Variants in LINGO2 observed in about 807,000 individuals in gnomAD.
LINGO2 encodes leucine-rich repeat and immunoglobulin-like domain-containing nogo receptor-interacting protein 2.
A neutral mutation model predicts 30.6 loss-of-function variants in LINGO2; 14 were observed. The ratio of observed to expected loss-of-function variants is 0.46; its 90% CI spans 0.30 to 0.72. The LOEUF is 0.72. Ranked by LOEUF, LINGO2 falls within the 30% of genes least tolerant of loss-of-function variation. LINGO2 has a pLI of 0.07. For missense variants in LINGO2, 729 were observed against 751.7 expected (o/e 0.97, Z 0.35); for synonymous variants, 317 against 288.5 (o/e 1.10, Z -1.00).
At position 28,233,030 on chromosome 9, in the gene LINGO2, TTATATATATA is replaced by T. The variant is rs1554690875; in HGVS notation, c.-87+62168_-87+62177del. On this transcript the variant is annotated intron_variant, in intron 4 of 5. Coordinates refer to ENST00000379992, the Ensembl canonical transcript of LINGO2. Reference sequence around the variant, plus strand: ...CTTCTCATGAGAGAGACAGTAAACATTATATATATATATATATATATATATATATATTAGA... The same window carrying T: ...CTTCTCATGAGAGAGACAGTAAACATTATATATATATATATATATATTAGA... 1.0e-3 allele frequency among the ~76,000 whole-genome samples: 79 copies of T among 77,680 alleles called. 2 individuals carry two copies. The highest frequency in any genetic ancestry group is 0.011 in the Middle Eastern group (2 of 174). The allele number at this position is 77,680 out of a possible 152,430, so 51.0% of individuals were successfully genotyped here.
At chr9:29,052,869 T>A in the LINGO2 span, among the ~76,000 whole-genome samples, 1 of 152,148 alleles carries the variant, frequency 6.6e-6, no homozygotes, top group Non-Finnish European at 1.5e-5. Context: ...TCATTAGTAA[T>A]TAGATGACAC....
At chr9:28,464,726 G>A (rs1043185444) in intron 2 of LINGO2, among the ~76,000 whole-genome samples, 1 of 152,144 alleles carries the variant, frequency 6.6e-6, no homozygotes, top group African/African-American at 2.4e-5. Context: ...TTAGAGTGGG[G>A]AACTTGGCTA....
chr9:28,979,035 G>C, the LINGO2 span, among the ~76,000 whole-genome samples: 1 of 151,950 alleles, frequency 6.6e-6, no homozygotes, highest in African/African-American at 2.4e-5. Context: ...AATACTATCA[G>C]AACTGTCCAA....
intron 4 of LINGO2, among the ~76,000 whole-genome samples, chr9:28,227,903 C>G (rs1418840358): frequency 6.6e-6 from 1 of 151,904 alleles, no homozygotes; most frequent in Non-Finnish European, 1.5e-5. Context: ...CACAATTTAG[C>G]AAAAAGCCAC....
the LINGO2 span, among the ~76,000 whole-genome samples, chr9:28,820,433 G>A: frequency 1.3e-5 from 2 of 152,084 alleles, no homozygotes; most frequent in Admixed American, 1.3e-4. Context: ...AAAGATGCAA[G>A]CAGTATAACA....
At chr9:28,671,873 C>T (rs1442166983), upstream of LINGO2, among the ~76,000 whole-genome samples, 3 of 151,986 alleles carry the variant, frequency 2.0e-5, no homozygotes, top group Admixed American at 6.6e-5. Flanking sequence ...TGAGCATTTC[C>T]TTATCACAGG....
the LINGO2 span, among the ~76,000 whole-genome samples, chr9:28,922,726 T>TA: frequency 6.6e-6 from 1 of 152,238 alleles, no homozygotes; most frequent in Non-Finnish European, 1.5e-5. Context: ...TAAGTGTCAC[T>TA]ACTTTGCGAC....
the LINGO2 span, among the ~76,000 whole-genome samples, chr9:29,208,411 C>T: frequency 6.6e-6 from 1 of 152,096 alleles, no homozygotes; most frequent in Admixed American, 6.5e-5. Context: ...TACAAGATTT[C>T]CATACATCAC....
the LINGO2 span, among the ~76,000 whole-genome samples, chr9:29,122,968 C>T: frequency 6.6e-6 from 1 of 152,112 alleles, no homozygotes; most frequent in South Asian, 2.1e-4. Flanking sequence ...TTAAAATGTA[C>T]ATTTGCATTC....
rs181016140 is a variant in LINGO2 at position 28,632,307 on chromosome 9, C to A, written c.-365+37893G>T. ...AGGAAAAGCCTTGACTTTATGACCACACACAAACACACATATCCTGTGGGC... is the reference window on the plus strand; with the variant it reads ...AGGAAAAGCCTTGACTTTATGACCAAACACAAACACACATATCCTGTGGGC... On this transcript the variant is annotated intron_variant, in intron 1 of 5. Transcript: ENST00000379992. 2.1e-4 allele frequency among the ~76,000 whole-genome samples: 32 copies of A among 152,124 alleles called. 2 individuals are homozygous for A. Among genetic ancestry groups the A allele is most frequent in the African/African-American group, 7.7e-4 (32 of 41,498 alleles).
chr9:29,202,068 A>G, the LINGO2 span, among the ~76,000 whole-genome samples: 101 of 152,158 alleles, frequency 6.6e-4, no homozygotes, highest in African/African-American at 2.4e-3. Context: ...ATTCATTTCA[A>G]AAATATTTAG....
intron 4 of LINGO2, among the ~76,000 whole-genome samples, chr9:28,265,893 T>C (rs1383736072): frequency 6.6e-6 from 1 of 151,958 alleles, no homozygotes; most frequent in African/African-American, 2.4e-5. Context: ...TAAAGGCTCA[T>C]AAACATAAAC....
At chr9:28,226,983 T>G (rs1184495650) in intron 4 of LINGO2, among the ~76,000 whole-genome samples, 1 of 152,192 alleles carries the variant, frequency 6.6e-6, no homozygotes, top group Non-Finnish European at 1.5e-5. Context: ...TCAGTCAGCT[T>G]GTAGGTAGGC....
the LINGO2 span, among the ~76,000 whole-genome samples, chr9:28,703,082 A>G: frequency 6.6e-6 from 1 of 151,222 alleles, no homozygotes; most frequent in Non-Finnish European, 1.5e-5. Flanking sequence ...TTTTTGTCTC[A>G]TAGCTTTTCT....
chr9:29,110,713 C>T, the LINGO2 span, among the ~76,000 whole-genome samples: 8 of 150,098 alleles, frequency 5.3e-5, no homozygotes, highest in South Asian at 2.1e-4. Context: ...TTTGATGAGA[C>T]GGAGTCTCGC....
rs181357836 is a variant in LINGO2, at chr9:28,233,654, C to T, written c.-87+61554G>A. Among the ~76,000 whole-genome samples, 379 of 152,274 alleles carry T rather than the reference C, an allele frequency of 2.5e-3. 2 individuals carry two copies. Among genetic ancestry groups the T allele is most frequent in the African/African-American group, 8.8e-3 (364 of 41,568 alleles). On this transcript the variant is annotated intron_variant, in intron 4 of 5. Coordinates refer to ENST00000379992, the Ensembl canonical transcript of LINGO2. ...ATCTCCTCTCCAACTCCAGCAAGTA[C>T]AGCTCATAGCAACAAAAGTGATTAC...
At chr9:28,166,002 T>C (rs1828416903) in intron 4 of LINGO2, among the ~76,000 whole-genome samples, 1 of 152,198 alleles carries the variant, frequency 6.6e-6, no homozygotes, top group South Asian at 2.1e-4. Context: ...TACCCTCTAC[T>C]GTGTAGACAT....
intron 2 of LINGO2, among the ~76,000 whole-genome samples, chr9:28,405,422 C>T (rs777539401): frequency 3.3e-5 from 5 of 152,050 alleles, no homozygotes; most frequent in African/African-American, 4.8e-5. Context: ...CTGGGCCCAT[C>T]GCCTCTAGTT....
the LINGO2 span, among the ~76,000 whole-genome samples, chr9:28,741,011 C>G: frequency 2.0e-5 from 3 of 152,044 alleles, no homozygotes; most frequent in South Asian, 6.2e-4. Context: ...GTCCTGGTAC[C>G]TGGTTCCCCT....
Sources: gnomAD v4.1 joint callset for allele counts (sites outside exome capture counted in the v4.1 genomes callset) on GRCh38, gnomAD v4.1.1 for gene constraint, MANE v1.5 for transcripts, NCBI Gene and HGNC (gene_info 2026-07-23, HGNC 2026-07-21) for gene names.